Variants in LUC7L2 observed in about 807,000 individuals in gnomAD.
The protein encoded by LUC7L2 is putative RNA-binding protein Luc7-like 2.
In LUC7L2, 25 loss-of-function variants were observed where a neutral mutation model predicts 52.8. The observed-to-expected ratio is 0.47, with a 90% CI of 0.34 to 0.66. The LOEUF (loss-of-function observed/expected upper bound fraction) is 0.66, where lower values mean the gene tolerates loss of function less well. Ranked by LOEUF, LUC7L2 falls within the 30% of genes least tolerant of loss-of-function variation. The probability of loss-of-function intolerance (pLI) is 0.01; values close to 1 mark genes in which losing one functional copy is unlikely to be tolerated. For missense variants in LUC7L2, 328 were observed against 497.8 expected (o/e 0.66, Z 3.25); for synonymous variants, 144 against 160.9 (o/e 0.89, Z 0.80).
In LUC7L2 at chr7:139,360,100, G is replaced by A; in HGVS notation, c.-162G>A. ...ACGTCGTCGTGAGGAGCGCAGTCCGGACTCTTCCCGCAACCCCTCCGGCTC... is the reference window on the plus strand; with the variant it reads ...ACGTCGTCGTGAGGAGCGCAGTCCGAACTCTTCCCGCAACCCCTCCGGCTC... On this transcript the variant is annotated 5_prime_UTR_variant, in exon 1 of 10. Transcript: ENST00000354926. The A allele has an allele frequency of 1.7e-6, 1 of 581,962 alleles. No individual in the cohort carries two copies. Among genetic ancestry groups the A allele is most frequent in the Non-Finnish European group, 3.0e-6 (1 of 330,394 alleles). The allele number at this position is 581,962 out of a possible 1,614,324, so 36.0% of individuals were successfully genotyped here.
chr7:139,393,624 T>C (rs1794539804), intron 2 of LUC7L2, among the ~76,000 whole-genome samples: 1 of 152,040 alleles, frequency 6.6e-6, no homozygotes, highest in South Asian at 2.1e-4. Context: ...TTTTTGTGTT[T>C]TTAGTAGAGA....
chr7:139,392,502 ATGCAGT>A, intron 2 of LUC7L2: 1 of 352,908 alleles, frequency 2.8e-6, no homozygotes, highest in Non-Finnish European at 5.7e-6. Context: ...TCCACATTTC[ATGCAGT>A]AATGGATTCA....
chr7:139,361,820 A>C (rs1311371720), intron 1 of LUC7L2, among the ~76,000 whole-genome samples: 5 of 152,196 alleles, frequency 3.3e-5, no homozygotes, highest in African/African-American at 1.2e-4. Context: ...CTAACAGAAT[A>C]ACTAATCTGT....
intron 1 of LUC7L2, among the ~76,000 whole-genome samples, chr7:139,343,369 C>T (rs1233865282): frequency 1.3e-5 from 2 of 152,228 alleles, no homozygotes; most frequent in Non-Finnish European, 1.5e-5. Context: ...CTAAAACCCA[C>T]ATTCTAACAG....
At chr7:139,358,655 AC>A (rs1799700285), upstream of LUC7L2, among the ~76,000 whole-genome samples, 1 of 152,116 alleles carries the variant, frequency 6.6e-6, no homozygotes, top group Non-Finnish European at 1.5e-5. Context: ...TTTTTAAGCA[AC>A]CTTTCTTCCT....
intron 4 of LUC7L2, 106 bp from the exon 5 acceptor site, chr7:139,405,538 C>T (rs1795081994): frequency 4.4e-6 from 6 of 1,353,986 alleles, no homozygotes; most frequent in Middle Eastern, 2.3e-4. Flanking sequence ...TCTTTAACCA[C>T]ATACTGCCTT....
At chr7:139,386,050 T>A (rs1198358165) in intron 2 of LUC7L2, among the ~76,000 whole-genome samples, 1 of 152,162 alleles carries the variant, frequency 6.6e-6, no homozygotes, top group Non-Finnish European at 1.5e-5. Context: ...TCTCCCAGGC[T>A]GGAGTGCAAT....
At chr7:139,413,637 G>A (rs1795466014) in intron 8 of LUC7L2, among the ~76,000 whole-genome samples, 1 of 152,256 alleles carries the variant, frequency 6.6e-6, no homozygotes, top group Non-Finnish European at 1.5e-5. Context: ...AATTAGCCGG[G>A]TGTGGTGGCA....
chr7:139,368,183 C>T (rs1281952941), intron 1 of LUC7L2, among the ~76,000 whole-genome samples: 1 of 152,026 alleles, frequency 6.6e-6, no homozygotes, highest in Non-Finnish European at 1.5e-5. Context: ...TAGATTGATA[C>T]CCAGGTTGCA....
At chr7:139,350,887 G>A (rs1272595543) in intron 1 of LUC7L2, among the ~76,000 whole-genome samples, 1 of 152,032 alleles carries the variant, frequency 6.6e-6, no homozygotes, top group Non-Finnish European at 1.5e-5. Flanking sequence ...TGTTGGCCAG[G>A]CTGGTCTCCG....
intron 8 of LUC7L2, among the ~76,000 whole-genome samples, chr7:139,415,867 T>C (rs1197624904): frequency 6.6e-6 from 1 of 151,816 alleles, no homozygotes; most frequent in Non-Finnish European, 1.5e-5. Flanking sequence ...TTGACTATAA[T>C]GTTGACATAA....
intron 1 of LUC7L2, among the ~76,000 whole-genome samples, chr7:139,369,351 A>G (rs1569370752): frequency 6.6e-6 from 1 of 152,220 alleles, no homozygotes; most frequent in African/African-American, 2.4e-5. Context: ...ATGTTAAAGT[A>G]ACTATTCAGG....
chr7:139,364,109 C>G (rs1367907468), intron 1 of LUC7L2, among the ~76,000 whole-genome samples: 1 of 151,184 alleles, frequency 6.6e-6, no homozygotes, highest in African/African-American at 2.4e-5. Flanking sequence ...CTCAGCCTCC[C>G]GAGTAGCTGG....
intron 2 of LUC7L2, among the ~76,000 whole-genome samples, chr7:139,393,456 T>TA (rs1197035958): frequency 6.6e-6 from 1 of 151,766 alleles, no homozygotes; most frequent in Non-Finnish European, 1.5e-5. Flanking sequence ...AATAAATAAA[T>TA]AATCATATAT....
chr7:139,416,341 G>GT (rs758072515), intron 8 of LUC7L2: 3 of 151,564 alleles, frequency 2.0e-5, no homozygotes, highest in South Asian at 2.1e-4. Flanking sequence ...TACCTTGTGG[G>GT]TTTTTTTCTT....
At chr7:139,390,921 C>T (rs116208912) in intron 2 of LUC7L2, among the ~76,000 whole-genome samples, 2 of 152,250 alleles carry the variant, frequency 1.3e-5, no homozygotes, top group African/African-American at 4.8e-5. Flanking sequence ...AATTATACAT[C>T]ACCCTCCTTC....
intron 2 of LUC7L2, among the ~76,000 whole-genome samples, chr7:139,388,274 A>G (rs1397298575): frequency 6.6e-6 from 1 of 152,088 alleles, no homozygotes; most frequent in Non-Finnish European, 1.5e-5. Context: ...AGGGTCAGAA[A>G]TGGTTATAAA....
Position 139,360,185 on chromosome 7 carries a change from C to A in LUC7L2, c.-77C>A. 1 of 1,144,638 alleles carries A rather than the reference C, an allele frequency of 8.7e-7. No individual in the cohort carries two copies. The allele number at this position is 1,144,638 out of a possible 1,614,324, so 70.9% of individuals were successfully genotyped here. On this transcript the variant is annotated 5_prime_UTR_variant, in exon 1 of 10. Coordinates refer to ENST00000354926, the MANE Select transcript of LUC7L2 (RefSeq NM_016019.5). ...GAGACAGCAGCGCACCTTCCCCCAT[C>A]CCTTCCCCTTATCCCCCAGCCCAAA...
intron 1 of LUC7L2, among the ~76,000 whole-genome samples, chr7:139,363,949 A>C (rs1800007178): frequency 6.7e-6 from 1 of 149,404 alleles, no homozygotes; most frequent in Non-Finnish European, 1.5e-5. Flanking sequence ...ATTAAATAAA[A>C]TTGAGGGTGT....
Sources: gnomAD v4.1 joint callset for allele counts (sites outside exome capture counted in the v4.1 genomes callset) on GRCh38, gnomAD v4.1.1 for gene constraint, MANE v1.5 for transcripts, NCBI Gene and HGNC (gene_info 2026-07-23, HGNC 2026-07-21) for gene names.